Variants in SLCO6A1 observed in about 807,000 individuals in gnomAD.
SLCO6A1 encodes cancer/testis antigen 48.
SLCO6A1 carries 65 observed loss-of-function variants against 72.7 expected under a neutral mutation model. The observed-to-expected ratio is 0.89, with a 90% CI of 0.73 to 1.10. The LOEUF is 1.10. SLCO6A1 is among the 50% of genes least tolerant of loss of function. The probability of loss-of-function intolerance (pLI) is 0.00; values close to 1 mark genes in which losing one functional copy is unlikely to be tolerated. For synonymous variants in SLCO6A1, 314 were observed against 298.2 expected, an observed-to-expected ratio of 1.05 and a Z score of -0.55; for missense variants, 874 against 872.6, an observed-to-expected ratio of 1.00 and a Z score of -0.02.
In SLCO6A1 at chr5:102,399,756, A is replaced by G; in HGVS notation, c.1627-14T>C. The G allele has an allele frequency of 6.7e-7, 1 of 1,493,534 alleles. No individual in the cohort carries two copies. Among genetic ancestry groups the G allele is most frequent in the Non-Finnish European group, 9.0e-7 (1 of 1,113,812 alleles). The allele number at this position is 1,493,534 out of a possible 1,614,324, so 92.5% of individuals were successfully genotyped here. A position where few individuals can be genotyped will look rare whatever the true frequency, so the allele number is the denominator to read the frequency against. On this transcript the variant is annotated splice_polypyrimidine_tract_variant and intron_variant, in intron 9 of 13. Transcript: ENST00000506729. ...ATTGTAGTACATCTGTGAGTATTGA[A>G]GACAGGAAACAATCTTTCAGAAAAA... is the stretch of plus-strand genomic sequence containing the variant.
At chr5:102,435,064 T>C (rs1280106402) in intron 7 of SLCO6A1, among the ~76,000 whole-genome samples, 2 of 152,242 alleles carry the variant, frequency 1.3e-5, no homozygotes, top group Admixed American at 1.3e-4. Context: ...CAGTCTATCA[T>C]GCCAATCTTG....
At chr5:102,457,738 A>C (rs1054156329) in intron 6 of SLCO6A1, among the ~76,000 whole-genome samples, 4 of 152,190 alleles carry the variant, frequency 2.6e-5, no homozygotes, top group Non-Finnish European at 5.9e-5. Flanking sequence ...TTGACCCAGC[A>C]ATCCCATTAC....
intron 3 of SLCO6A1, among the ~76,000 whole-genome samples, chr5:102,476,732 T>A (rs1207424349): frequency 6.6e-6 from 1 of 152,010 alleles, no homozygotes; most frequent in Non-Finnish European, 1.5e-5. Flanking sequence ...AAATTAAAAA[T>A]ATCTTATTTT....
intron 6 of SLCO6A1, among the ~76,000 whole-genome samples, chr5:102,440,546 G>A (rs981668083): frequency 2.0e-5 from 3 of 152,070 alleles, no homozygotes; most frequent in Non-Finnish European, 4.4e-5. Flanking sequence ...GAAATAAAGT[G>A]CACAATAAAT....
chr5:102,474,813 C>T (rs1751812036), intron 4 of SLCO6A1, among the ~76,000 whole-genome samples: 1 of 151,972 alleles, frequency 6.6e-6, no homozygotes, highest in African/African-American at 2.4e-5. Flanking sequence ...AAAAGATACT[C>T]AACACTACTA....
intron 10 of SLCO6A1, among the ~76,000 whole-genome samples, chr5:102,394,151 G>A (rs1216262289): frequency 6.6e-6 from 1 of 152,074 alleles, no homozygotes; most frequent in Non-Finnish European, 1.5e-5. Flanking sequence ...TTAGTCCTTT[G>A]CCTCTTTTTG....
intron 6 of SLCO6A1, among the ~76,000 whole-genome samples, chr5:102,449,622 G>A (rs940525654): frequency 1.2e-4 from 18 of 152,174 alleles, no homozygotes; most frequent in South Asian, 4.1e-4. Context: ...TCCTGACCTC[G>A]TGATCCGCCC....
intron 4 of SLCO6A1, among the ~76,000 whole-genome samples, chr5:102,470,089 G>C (rs572754428): frequency 6.6e-6 from 1 of 152,214 alleles, no homozygotes; most frequent in South Asian, 2.1e-4. Context: ...TCGCATCGAT[G>C]TTCATCAGGG....
At chr5:102,385,881 G>T (rs1205008083) in intron 12 of SLCO6A1, among the ~76,000 whole-genome samples, 4 of 146,210 alleles carry the variant, frequency 2.7e-5, no homozygotes, top group African/African-American at 1.0e-4. Flanking sequence ...GCCTAGGCTG[G>T]CCTTGAATTC....
chr5:102,379,773 C>CAAAAAAAA (rs10672287), intron 12 of SLCO6A1, among the ~76,000 whole-genome samples: 1 of 141,000 alleles, frequency 7.1e-6, no homozygotes, highest in Non-Finnish European at 1.5e-5. Context: ...TTGTCAATTT[C>CAAAAAAAA]AAAAAAAAAA....
chr5:102,394,877 A>C (rs1335602919), intron 10 of SLCO6A1, among the ~76,000 whole-genome samples: 2 of 152,116 alleles, frequency 1.3e-5, no homozygotes, highest in African/African-American at 4.8e-5. Flanking sequence ...GGGAAAAAAT[A>C]TATCAAGTTA....
At chr5:102,404,918 C>T (rs933028548) in intron 9 of SLCO6A1, among the ~76,000 whole-genome samples, 10 of 152,050 alleles carry the variant, frequency 6.6e-5, no homozygotes, top group African/African-American at 4.8e-5. Flanking sequence ...ACAGCCAAAA[C>T]TTTAATTCAA....
At chr5:102,464,424 AG>A (rs1180827532) in intron 4 of SLCO6A1, among the ~76,000 whole-genome samples, 1 of 152,208 alleles carries the variant, frequency 6.6e-6, no homozygotes, top group Non-Finnish European at 1.5e-5. Flanking sequence ...TATAAAAATA[AG>A]ACAGGAAATA....
intron 6 of SLCO6A1, among the ~76,000 whole-genome samples, chr5:102,456,114 T>C (rs1443159216): frequency 6.6e-6 from 1 of 152,122 alleles, no homozygotes; most frequent in Non-Finnish European, 1.5e-5. Flanking sequence ...CTCAAAATAA[T>C]AAGACCTATC....
chr5:102,374,685 A>G (rs1253771397), intron 12 of SLCO6A1, among the ~76,000 whole-genome samples: 1 of 152,216 alleles, frequency 6.6e-6, no homozygotes, highest in Non-Finnish European at 1.5e-5. Flanking sequence ...GAAAAATACC[A>G]TTTTTAAATG....
intron 2 of SLCO6A1, among the ~76,000 whole-genome samples, 167 bp downstream of exon 2, chr5:102,480,010 C>G (rs533886885): frequency 1.3e-5 from 2 of 152,222 alleles, no homozygotes; most frequent in African/African-American, 4.8e-5. Flanking sequence ...ACATATATGT[C>G]CACTGGAATG....
chr5:102,412,172 CCT>C (rs1352280030), intron 9 of SLCO6A1, among the ~76,000 whole-genome samples: 1 of 152,022 alleles, frequency 6.6e-6, no homozygotes, highest in African/African-American at 2.4e-5. Flanking sequence ...CCTCCCCTCC[CCT>C]GTCTTCAAAT....
intron 10 of SLCO6A1, among the ~76,000 whole-genome samples, chr5:102,396,667 G>A (rs1053531880): frequency 6.6e-6 from 1 of 152,144 alleles, no homozygotes; most frequent in South Asian, 2.1e-4. Flanking sequence ...TAGGGGGTGG[G>A]TGAGTGGGGT....
intron 1 of SLCO6A1, among the ~76,000 whole-genome samples, chr5:102,484,334 C>A (rs184893680): frequency 6.6e-6 from 1 of 152,042 alleles, no homozygotes; most frequent in Non-Finnish European, 1.5e-5. Context: ...GTTCAATGAC[C>A]GGTACAGAAT....
Sources: gnomAD v4.1 joint callset for allele counts (sites outside exome capture counted in the v4.1 genomes callset) on GRCh38, gnomAD v4.1.1 for gene constraint, MANE v1.5 for transcripts, NCBI Gene and HGNC (gene_info 2026-07-23, HGNC 2026-07-21) for gene names.